The following CNTN5 variants were observed in gnomAD, a reference collection of about 807,000 sequenced individuals.
CNTN5 encodes the protein contactin 5.
CNTN5 carries 77 observed loss-of-function variants against 129.1 expected under a neutral mutation model. That is an observed-to-expected ratio of 0.60 (90% CI 0.50 to 0.72). The LOEUF (loss-of-function observed/expected upper bound fraction) is 0.72. Ranked by LOEUF, CNTN5 falls within the 30% of genes least tolerant of loss-of-function variation. CNTN5 has a pLI of 0.00. For missense variants in CNTN5, 1,478 were observed against 1,328.8 expected, an observed-to-expected ratio of 1.11 and a Z score of -1.75; for synonymous variants, 509 against 465.6, an observed-to-expected ratio of 1.09 and a Z score of -1.20.
chr11:99,451,853 C>T (rs563209627), intron 2 of CNTN5, among the ~76,000 whole-genome samples: 3 of 152,200 alleles, frequency 2.0e-5, no homozygotes, highest in African/African-American at 7.2e-5. Context: ...TTGAATGACA[C>T]ATTGTTCTTT....
chr11:100,067,336 G>A (rs554612430), intron 10 of CNTN5, among the ~76,000 whole-genome samples: 201 of 152,072 alleles, frequency 1.3e-3, no homozygotes, highest in Middle Eastern at 3.4e-3. Flanking sequence ...ATGTTTATGC[G>A]TTTGTGTGCT....
intron 13 of CNTN5, among the ~76,000 whole-genome samples, chr11:100,136,461 T>C (rs1428011198): frequency 1.3e-5 from 2 of 152,136 alleles, no homozygotes; most frequent in Admixed American, 1.3e-4. Flanking sequence ...CTATTTCCCT[T>C]GAAGATTATA....
At chr11:99,620,822 T>C (rs1379001680) in intron 3 of CNTN5, among the ~76,000 whole-genome samples, 1 of 152,062 alleles carries the variant, frequency 6.6e-6, no homozygotes, top group Non-Finnish European at 1.5e-5. Context: ...GTTATCAAGA[T>C]ATAAAACTGT....
intron 1 of CNTN5, among the ~76,000 whole-genome samples, chr11:99,109,327 A>T (rs2097813611): frequency 6.6e-6 from 1 of 152,254 alleles, no homozygotes; most frequent in African/African-American, 2.4e-5. Context: ...GTTGATTTTT[A>T]AAAATTATAT....
At chr11:99,163,428 C>T (rs528835087) in intron 1 of CNTN5, among the ~76,000 whole-genome samples, 51 of 151,628 alleles carry the variant, frequency 3.4e-4, no homozygotes, top group African/African-American at 5.1e-4. Flanking sequence ...TAGTTTTCTC[C>T]AATTATTTTA....
At chr11:99,496,911 A>C (rs1946247636) in intron 2 of CNTN5, among the ~76,000 whole-genome samples, 1 of 152,230 alleles carries the variant, frequency 6.6e-6, no homozygotes, top group Admixed American at 6.5e-5. Flanking sequence ...AGAGAGAAGC[A>C]AAACATACTG....
At chr11:99,317,036 C>G (rs751330903) in intron 1 of CNTN5, among the ~76,000 whole-genome samples, 3 of 152,092 alleles carry the variant, frequency 2.0e-5, no homozygotes, top group Non-Finnish European at 4.4e-5. Context: ...TTCTCAGCAC[C>G]CTAAGAGAAT....
intron 15 of CNTN5, among the ~76,000 whole-genome samples, chr11:100,200,950 A>T (rs1463254050): frequency 1.3e-5 from 2 of 151,964 alleles, no homozygotes; most frequent in African/African-American, 4.8e-5. Flanking sequence ...ATACCTATAT[A>T]AACTCAGACT....
intron 17 of CNTN5, among the ~76,000 whole-genome samples, chr11:100,266,487 C>A (rs1310244814): frequency 6.6e-6 from 1 of 152,036 alleles, no homozygotes; most frequent in Middle Eastern, 3.2e-3. Flanking sequence ...CATTTCAAAT[C>A]AAAACCCTAA....
At chr11:100,157,666 CT>C (rs1445327672) in intron 13 of CNTN5, among the ~76,000 whole-genome samples, 1 of 151,708 alleles carries the variant, frequency 6.6e-6, no homozygotes, top group Non-Finnish European at 1.5e-5. Context: ...AGGTGGAAAA[CT>C]TGCCTTACAG....
In CNTN5 at chr11:99,549,752, G is replaced by A. The variant is rs1443131686; in HGVS notation, c.-70-6393G>A. Among the ~76,000 whole-genome samples the A allele has an allele frequency of 4.6e-5, 7 of 152,194 alleles. No homozygotes were observed. In the East Asian group the frequency reaches 7.7e-4, roughly 17 times the overall value. On this transcript the variant is annotated intron_variant, in intron 2 of 24. Transcript: ENST00000524871. ...GGCCTGTCAGAATTTATGTGGAGTC[G>A]TGAGCCATAGTTGTGTCTTTACCCT...
chr11:99,068,925 A>G (rs1404500949), intron 1 of CNTN5, among the ~76,000 whole-genome samples: 2 of 152,120 alleles, frequency 1.3e-5, no homozygotes, highest in Non-Finnish European at 2.9e-5. Context: ...GAATAAATGG[A>G]AGAGGAAATC....
At chr11:99,307,653 G>A (rs1200034704) in intron 1 of CNTN5, among the ~76,000 whole-genome samples, 1 of 152,068 alleles carries the variant, frequency 6.6e-6, no homozygotes, top group South Asian at 2.1e-4. Flanking sequence ...AAGGCTGAGA[G>A]GTCTTGACAA....
Position 99,747,893 on chromosome 11 carries a change from A to G in CNTN5, c.56-71651A>G, listed in dbSNP as rs146903144. ...ATGTTAAGGTGCATTTCTTCTCTAT[A>G]TCTAATTGTTTGAGAGTTGTTAATC... On this transcript the variant is annotated intron_variant, in intron 3 of 24. Transcript: ENST00000524871. Among the ~76,000 whole-genome samples the G allele has an allele frequency of 2.5e-3, 387 of 152,240 alleles. 2 individuals carry two copies. Among genetic ancestry groups the G allele is most frequent in the African/African-American group, 8.6e-3 (357 of 41,542 alleles).
chr11:99,444,472 C>T (rs1028403481), intron 2 of CNTN5, among the ~76,000 whole-genome samples: 2 of 152,136 alleles, frequency 1.3e-5, no homozygotes, highest in Non-Finnish European at 1.5e-5. Flanking sequence ...TATGTTTACA[C>T]TTTCTGTGCA....
intron 2 of CNTN5, among the ~76,000 whole-genome samples, chr11:99,548,822 C>T (rs1014125849): frequency 6.6e-6 from 1 of 152,056 alleles, no homozygotes; most frequent in African/African-American, 2.4e-5. Flanking sequence ...ATGATGTGCA[C>T]AGGTATTTCT....
At chr11:99,759,287 A>G (rs1591111634) in intron 3 of CNTN5, among the ~76,000 whole-genome samples, 2 of 152,054 alleles carry the variant, frequency 1.3e-5, no homozygotes. Flanking sequence ...AATTTTTACA[A>G]TGAAATTCAG....
At chr11:99,871,640 G>C (rs994979458) in intron 6 of CNTN5, among the ~76,000 whole-genome samples, 4 of 151,938 alleles carry the variant, frequency 2.6e-5, no homozygotes, top group Admixed American at 1.3e-4. Context: ...AAGTTGAAGG[G>C]AGGAAAAATA....
At chr11:99,075,622 C>G (rs1456690310) in intron 1 of CNTN5, among the ~76,000 whole-genome samples, 1 of 152,154 alleles carries the variant, frequency 6.6e-6, no homozygotes, top group Non-Finnish European at 1.5e-5. Flanking sequence ...TGTTTTCTCT[C>G]TCCTATAAAT....
Sources: gnomAD v4.1 joint callset for allele counts (sites outside exome capture counted in the v4.1 genomes callset) on GRCh38, gnomAD v4.1.1 for gene constraint, MANE v1.5 for transcripts, NCBI Gene and HGNC (gene_info 2026-07-23, HGNC 2026-07-21) for gene names.